Variants in PALM2AKAP2 observed in about 807,000 individuals in gnomAD.
PALM2AKAP2 encodes the protein PALM2 and AKAP2 fusion.
A neutral mutation model predicts 71.5 loss-of-function variants in PALM2AKAP2; 37 were observed. That is an observed-to-expected ratio of 0.52 (90% CI 0.40 to 0.68). The LOEUF (loss-of-function observed/expected upper bound fraction) is 0.68, where lower values mean the gene tolerates loss of function less well. PALM2AKAP2 is among the 30% of genes least tolerant of loss of function. The pLI is 0.00. For missense variants in PALM2AKAP2, 1,224 were observed against 1,191.8 expected (o/e 1.03, Z -0.40); for synonymous variants, 468 against 478.8 (o/e 0.98, Z 0.29).
intron 3 of PALM2AKAP2, among the ~76,000 whole-genome samples, chr9:109,897,283 T>C (rs1484826979): frequency 6.6e-6 from 1 of 152,146 alleles, no homozygotes; most frequent in African/African-American, 2.4e-5. Context: ...TATAAATTGC[T>C]TAAAATAGTA....
At chr9:109,783,948 C>G (rs1315291033) in intron 1 of PALM2AKAP2, among the ~76,000 whole-genome samples, 1 of 152,214 alleles carries the variant, frequency 6.6e-6, no homozygotes, top group East Asian at 1.9e-4. Context: ...AACTACAGTG[C>G]TTTAATGGAA....
rs1481757544 is a variant in PALM2AKAP2 at position 110,114,810 on chromosome 9, A to T, written c.157-21317A>T. ...TCCTTGTTTCTGGTTCTCAGACTTC[A>T]TCCTGTTTCCATAATCAGTATTACT... On this transcript the variant is annotated intron_variant, in intron 1 of 3. Coordinates refer to ENST00000374525, the Ensembl canonical transcript of PALM2AKAP2. Among the ~76,000 whole-genome samples, 4 of 152,168 alleles carry T rather than the reference A, an allele frequency of 2.6e-5. 1 individual carries two copies. The highest frequency in any genetic ancestry group is 5.9e-5 in the Non-Finnish European group (4 of 68,034).
At chr9:109,805,441 C>G (rs774281045) in intron 1 of PALM2AKAP2, among the ~76,000 whole-genome samples, 1 of 152,096 alleles carries the variant, frequency 6.6e-6, no homozygotes, top group Non-Finnish European at 1.5e-5. Context: ...TTTTTTTCCC[C>G]GAAATTCCAG....
intron 1 of PALM2AKAP2, among the ~76,000 whole-genome samples, chr9:110,055,075 T>C (rs1833803993): frequency 6.6e-6 from 1 of 152,228 alleles, no homozygotes; most frequent in African/African-American, 2.4e-5. Context: ...CTATTTTTCA[T>C]TAGTTGATCC....
chr9:110,091,459 C>CTTTTTTTTTTTTTTTTTTTT (rs66848294), intron 1 of PALM2AKAP2, among the ~76,000 whole-genome samples: 1 of 83,656 alleles, frequency 1.2e-5, no homozygotes, highest in African/African-American at 5.2e-5. Context: ...GAGATTTATT[C>CTTTTTTTTTTTTTTTTTTTT]TTTTTTTTTT....
intron 1 of PALM2AKAP2, among the ~76,000 whole-genome samples, chr9:110,061,734 T>TGGGGGTATAAATCTCAGTC (rs1564285085): frequency 4.0e-5 from 6 of 150,566 alleles, no homozygotes; most frequent in African/African-American, 1.2e-4. Context: ...AGATGGGGTT[T>TGGGGGTATAAATCTCAGTC]CACCATGTTG....
intron 6 of PALM2AKAP2, among the ~76,000 whole-genome samples, chr9:109,988,670 G>A (rs1468086075): frequency 2.1e-5 from 3 of 144,870 alleles, no homozygotes; most frequent in African/African-American, 7.6e-5. Context: ...GGAAGGAAGG[G>A]AAGGGAAGGG....
At chr9:110,080,128 A>G (rs1166003368) in intron 1 of PALM2AKAP2, among the ~76,000 whole-genome samples, 2 of 150,938 alleles carry the variant, frequency 1.3e-5, no homozygotes, top group South Asian at 4.2e-4. Context: ...TGAAAAATCA[A>G]CTTTGTTCTT....
intron 1 of PALM2AKAP2, among the ~76,000 whole-genome samples, chr9:109,757,253 A>G (rs10118569): frequency 0.046 from 6,935 of 152,208 alleles, 537 homozygotes; most frequent in African/African-American, 0.16. Flanking sequence ...TTTACTTAAC[A>G]TAATAACCTC....
chr9:110,159,683 G>C (rs1836548199), intron 3 of PALM2AKAP2, among the ~76,000 whole-genome samples: 1 of 152,298 alleles, frequency 6.6e-6, no homozygotes, highest in South Asian at 2.1e-4. Flanking sequence ...CTGAAGTTTT[G>C]CTGAGTGAGA....
intron 1 of PALM2AKAP2, among the ~76,000 whole-genome samples, chr9:110,076,728 T>A (rs1374487493): frequency 2.0e-5 from 3 of 152,002 alleles, no homozygotes; most frequent in Non-Finnish European, 2.9e-5. Context: ...CATGCACACA[T>A]GATGTTTAGA....
chr9:109,683,428 C>CTACAA (rs1471389606), intron 1 of PALM2AKAP2, among the ~76,000 whole-genome samples: 1 of 152,068 alleles, frequency 6.6e-6, no homozygotes, highest in African/African-American at 2.4e-5. Flanking sequence ...AGTTCTCCTG[C>CTACAA]TACAAGCCAA....
At chr9:109,925,536 T>G (rs772005845) in intron 5 of PALM2AKAP2, among the ~76,000 whole-genome samples, 7 of 152,172 alleles carry the variant, frequency 4.6e-5, no homozygotes, top group Non-Finnish European at 8.8e-5. Flanking sequence ...GGATTTTCTT[T>G]GCTTTCTCTC....
chr9:109,701,189 A>G (rs757634422), intron 1 of PALM2AKAP2, among the ~76,000 whole-genome samples: 2 of 152,234 alleles, frequency 1.3e-5, no homozygotes, highest in African/African-American at 2.4e-5. Flanking sequence ...TATAGATTCA[A>G]TGCCATCCCC....
rs559368059 is a variant in PALM2AKAP2 at position 110,035,053 on chromosome 9, A to G, written c.582+19014A>G. Reference sequence around the variant, plus strand: ...GTAAATGTTAGAAATTTAAGGGTCAATGTGATCCTTTCATATGAAATACTA... The same window carrying G: ...GTAAATGTTAGAAATTTAAGGGTCAGTGTGATCCTTTCATATGAAATACTA... On this transcript the variant is annotated intron_variant, in intron 7 of 9. Transcript: ENST00000302798. 7.9e-5 allele frequency among the ~76,000 whole-genome samples: 12 copies of G among 151,618 alleles called. No individual in the cohort carries two copies. The East Asian group carries it at 1.5e-3, about 20-fold the overall frequency.
chr9:109,865,158 G>A (rs918488716), intron 1 of PALM2AKAP2, among the ~76,000 whole-genome samples: 1 of 137,410 alleles, frequency 7.3e-6, no homozygotes, highest in African/African-American at 2.7e-5. Context: ...GAGTGCAGTG[G>A]TGTGATCTTG....
chr9:109,669,361 C>T (rs1473304520), intron 1 of PALM2AKAP2, among the ~76,000 whole-genome samples: 1 of 151,742 alleles, frequency 6.6e-6, no homozygotes, highest in Non-Finnish European at 1.5e-5. Flanking sequence ...AATATTCTGT[C>T]AGGCTTCTTT....
intron 6 of PALM2AKAP2, among the ~76,000 whole-genome samples, chr9:109,953,197 T>G (rs138135494): frequency 7.2e-5 from 11 of 152,314 alleles, no homozygotes; most frequent in African/African-American, 2.4e-4. Context: ...GGATTATATC[T>G]CATCATGGAG....
Position 110,002,625 on chromosome 9 carries a change from C to A in PALM2AKAP2, c.497-13329C>A, listed in dbSNP as rs11534239. On this transcript the variant is annotated intron_variant, in intron 6 of 9. Coordinates refer to the PALM2AKAP2 transcript ENST00000302798. ...GGAATGGTACTAGCTCCTCTTTGTACCTCTGGTAGAATTCAGCTGTGAATC... is the reference window on the plus strand; with the variant it reads ...GGAATGGTACTAGCTCCTCTTTGTAACTCTGGTAGAATTCAGCTGTGAATC... Among the ~76,000 whole-genome samples, 14 of 152,238 alleles carry A rather than the reference C, an allele frequency of 9.2e-5. No individual in the cohort carries two copies. In the East Asian group the frequency reaches 2.7e-3, roughly 29 times the overall value.
Sources: gnomAD v4.1 joint callset for allele counts (sites outside exome capture counted in the v4.1 genomes callset) on GRCh38, gnomAD v4.1.1 for gene constraint, MANE v1.5 for transcripts, NCBI Gene and HGNC (gene_info 2026-07-23, HGNC 2026-07-21) for gene names.